ISX: variants seen among roughly 807,000 people sequenced by gnomAD.
The protein encoded by ISX is intestine-specific homeobox.
Under a neutral mutation model 16.9 loss-of-function variants are expected in ISX, and 15 were observed. The ratio of observed to expected loss-of-function variants is 0.89; its 90% confidence interval spans 0.59 to 1.36. The LOEUF is 1.36. ISX is among the 40% of genes most tolerant of loss of function. ISX has a pLI of 0.00. For synonymous variants in ISX, 125 were observed against 119.7 expected, an observed-to-expected ratio of 1.04 and a Z score of -0.29; for missense variants, 316 against 306.1, an observed-to-expected ratio of 1.03 and a Z score of -0.24.
intron 2 of ISX, among the ~76,000 whole-genome samples, chr22:35,079,074 C>T (rs1406189783): frequency 6.6e-6 from 1 of 152,188 alleles, no homozygotes; most frequent in Non-Finnish European, 1.5e-5. Context: ...TTTCTACTAT[C>T]CAATGACAGC....
At chr22:35,083,183 ATAAAATACTACCCTTCT>A (rs1929164498) in intron 3 of ISX, among the ~76,000 whole-genome samples, 1 of 152,264 alleles carries the variant, frequency 6.6e-6, no homozygotes, top group South Asian at 2.1e-4. Flanking sequence ...TGCCTGTGTC[ATAAAATACTACCCTTCT>A]TTTTTTTTCT....
In ISX at chr22:35,085,697, T is replaced by C. The variant is rs1450641588; in HGVS notation, c.*4T>C. 1.2e-6 allele frequency: 2 copies of C among 1,614,184 alleles called. No homozygotes were observed. The highest frequency in any genetic ancestry group is 1.7e-6 in the Non-Finnish European group (2 of 1,180,000). Reference sequence around the variant, plus strand: ...CATCTGTGCTACTTCAACATAGAGATTGGACATGCTCTCCCCAAATGAGCC... The same window carrying C: ...CATCTGTGCTACTTCAACATAGAGACTGGACATGCTCTCCCCAAATGAGCC... On this transcript the variant is annotated 3_prime_UTR_variant, in exon 5 of 5. Coordinates refer to ENST00000404699, the MANE Select transcript of ISX (RefSeq NM_001303508.2).
intron 2 of ISX, among the ~76,000 whole-genome samples, chr22:35,080,427 C>A (rs1929098068): frequency 1.3e-5 from 2 of 152,050 alleles, no homozygotes; most frequent in Admixed American, 1.3e-4. Context: ...CCCCATAATA[C>A]AAACACATGA....
chr22:35,086,212 A>G lies in ISX; in HGVS notation c.*519A>G. The G allele has an allele frequency of 6.0e-6, 1 of 166,262 alleles. No homozygotes were observed. Among genetic ancestry groups the G allele is most frequent in the African/African-American group, 2.4e-5 (1 of 41,798 alleles). 10.3% of individuals were successfully genotyped at this position (166,262 alleles called of 1,614,324 possible). The stretch of plus-strand genomic sequence containing the variant: ...ACAGAACGGGATACAGAGATAAACA[A>G]TTTGGGTTCTGTCCACGTTTGTCAA... On this transcript the variant is annotated 3_prime_UTR_variant, in exon 5 of 5. Coordinates refer to ENST00000404699, the MANE Select transcript of ISX (RefSeq NM_001303508.2).
chr22:35,075,043 C>A (rs1928946314), intron 2 of ISX, among the ~76,000 whole-genome samples: 2 of 152,200 alleles, frequency 1.3e-5, no homozygotes, highest in Admixed American at 1.3e-4. Context: ...AACGCATTGT[C>A]ATTAGTCACA....
At chr22:35,078,008 C>T (rs1929029689) in intron 2 of ISX, among the ~76,000 whole-genome samples, 1 of 152,158 alleles carries the variant, frequency 6.6e-6, no homozygotes, top group African/African-American at 2.4e-5. Flanking sequence ...GACCCGTCTT[C>T]TGTTTCTACT....
chr22:35,085,395 G>A (rs757040071), intron 4 of ISX, 59 bp from the exon 5 acceptor site: 2 of 1,604,196 alleles, frequency 1.2e-6, no homozygotes, highest in Non-Finnish European at 1.7e-6. Flanking sequence ...GGGAAACGCT[G>A]AGAAGCTGCA....
At chr22:35,077,108 C>T (rs549995738) in intron 2 of ISX, among the ~76,000 whole-genome samples, 1 of 152,290 alleles carries the variant, frequency 6.6e-6, no homozygotes, top group South Asian at 2.1e-4. Flanking sequence ...TCAGAAGTGT[C>T]CCCTCTTAGC....
In ISX at chr22:35,067,182, C is replaced by T; in HGVS notation, c.95C>T (p.Ser32Phe). 2 of 1,612,900 alleles carry T rather than the reference C, an allele frequency of 1.2e-6. No homozygotes were observed. The highest frequency in any genetic ancestry group is 1.7e-6 in the Non-Finnish European group (2 of 1,179,382). ...EAPKKLSLSF[S>F]IEAILKRPAR... is the part of the protein sequence containing the mutation. ...CCGAAGAAGCTGAGCCTGTCCTTCT[C>T]CATTGAGGCGATCCTAAAGAGGCCT... is the stretch of plus-strand genomic sequence containing the variant. Residue 32 changes from serine to phenylalanine, a missense_variant, in exon 2 of 5, where the codon TCC (serine) becomes TTC (phenylalanine). Ser to Phe is a radical substitution (Grantham distance 155). Coordinates refer to ENST00000404699, the MANE Select transcript of ISX (RefSeq NM_001303508.2).
intron 2 of ISX, among the ~76,000 whole-genome samples, chr22:35,077,330 G>A (rs1278320998): frequency 1.3e-5 from 2 of 152,000 alleles, no homozygotes; most frequent in African/African-American, 2.4e-5. Context: ...AACTCTCTGT[G>A]GTCTGTAACC....
intron 3 of ISX, 127 bp from the exon 4 acceptor site, chr22:35,084,256 A>T (rs780526151): frequency 4.9e-6 from 3 of 616,160 alleles, no homozygotes; most frequent in Non-Finnish European, 8.3e-6. Flanking sequence ...GACATCCTGG[A>T]TGCCACAGAG....
At chr22:35,080,595 G>A (rs1268483708) in intron 2 of ISX, among the ~76,000 whole-genome samples, 1 of 152,196 alleles carries the variant, frequency 6.6e-6, no homozygotes, top group Admixed American at 6.5e-5. Context: ...AACTTCAGCA[G>A]CATGACAAGA....
chr22:35,085,783 T>G lies in ISX; in HGVS notation c.*90T>G. The G allele has an allele frequency of 1.9e-6, 3 of 1,548,090 alleles. No homozygotes were observed. In the East Asian group the frequency reaches 6.8e-5, roughly 35 times the overall value. ...GCCCTGGGCCTCTGGGGAAATCGAT[T>G]TCACAATCCAAAAATGGCCCACAGC... On this transcript the variant is annotated 3_prime_UTR_variant, in exon 5 of 5. Transcript: ENST00000404699.
intron 2 of ISX, among the ~76,000 whole-genome samples, chr22:35,070,386 G>A (rs980941391): frequency 9.9e-5 from 15 of 152,232 alleles, no homozygotes; most frequent in African/African-American, 3.6e-4. Flanking sequence ...CAGTCAGGAG[G>A]AAGCCTCTTT....
At chr22:35,073,816 G>A (rs1928915661) in intron 2 of ISX, among the ~76,000 whole-genome samples, 1 of 152,232 alleles carries the variant, frequency 6.6e-6, no homozygotes, top group Non-Finnish European at 1.5e-5. Context: ...TGGCCTTGTA[G>A]GCTATGGTAG....
Position 35,067,303 on chromosome 22 carries a change from G to A in ISX, c.216G>A (p.Lys72=). 2.5e-6 allele frequency: 4 copies of A among 1,571,894 alleles called. No homozygotes were observed. The highest frequency in any genetic ancestry group is 3.5e-6 in the Non-Finnish European group (4 of 1,157,968). Residue 72 remains lysine (K), a synonymous_variant, in exon 2 of 5, where the codon AAG becomes AAA. Transcript: ENST00000404699. ...GCTCTGGGCTAGAAAAGCCTCCAAA[G>A]GACCAGCCCCAGGGTAAGTGTCTTC... ...ASGSGLEKPP[K]DQPQEGRKSK...
chr22:35,070,111 G>A (rs939342134), intron 2 of ISX, among the ~76,000 whole-genome samples: 3 of 152,220 alleles, frequency 2.0e-5, no homozygotes, highest in Non-Finnish European at 4.4e-5. Flanking sequence ...GATGGGGCCA[G>A]GCTAGTTATC....
At chr22:35,083,183 A>T (rs1408440837) in intron 3 of ISX, among the ~76,000 whole-genome samples, 1 of 152,264 alleles carries the variant, frequency 6.6e-6, no homozygotes, top group Non-Finnish European at 1.5e-5. Context: ...TGCCTGTGTC[A>T]TAAAATACTA....
rs73883506 is a variant in ISX, at chr22:35,072,759, C to A, written c.229+5443C>A. ...CTGCGTGCCAGGCATACCTATTGCA[C>A]AACAAATCATCCCAAAACTTAGTGG... On this transcript the variant is annotated intron_variant, in intron 2 of 4. Coordinates refer to ENST00000404699, the MANE Select transcript of ISX (RefSeq NM_001303508.2). Among the ~76,000 whole-genome samples the A allele has an allele frequency of 1.0e-2, 1,522 of 152,328 alleles. 27 individuals are homozygous for A. Among genetic ancestry groups the A allele is most frequent in the African/African-American group, 0.035 (1,448 of 41,560 alleles).
Sources: gnomAD v4.1 joint callset for allele counts (sites outside exome capture counted in the v4.1 genomes callset) on GRCh38, gnomAD v4.1.1 for gene constraint, MANE v1.5 for transcripts, NCBI Gene and HGNC (gene_info 2026-07-23, HGNC 2026-07-21) for gene names.